The following CCDC171 variants were observed in gnomAD, a reference collection of about 807,000 sequenced individuals.
CCDC171 encodes the protein coiled-coil domain-containing protein 171.
Under a neutral mutation model 168.2 loss-of-function variants are expected in CCDC171, and 177 were observed. That is an observed-to-expected ratio of 1.05 (90% CI 0.93 to 1.19). The LOEUF (loss-of-function observed/expected upper bound fraction) is 1.19, where lower values mean the gene tolerates loss of function less well. Among genes scored for constraint, CCDC171 ranks in the 50% most tolerant of loss-of-function variants. The pLI is 0.00. For synonymous variants in CCDC171, 687 were observed against 540.8 expected (o/e 1.27, Z -3.75); for missense variants, 1,991 against 1,539.0 (o/e 1.29, Z -4.91).
chr9:15,898,433 A>G (rs1446962275), intron 24 of CCDC171, among the ~76,000 whole-genome samples: 2 of 152,184 alleles, frequency 1.3e-5, no homozygotes, highest in Non-Finnish European at 2.9e-5. Context: ...GAGCAAATAT[A>G]GACTAGTATC....
rs151056510 is a variant in CCDC171, at chr9:15,658,746, A to G, written c.915+1527A>G. Reference sequence around the variant, plus strand: ...GCCTCCAGAAGTTAGAAAAGGCAAGACAAGATTTCTTCCCTAGAGTCTCCA... The same window carrying G: ...GCCTCCAGAAGTTAGAAAAGGCAAGGCAAGATTTCTTCCCTAGAGTCTCCA... On this transcript the variant is annotated intron_variant, in intron 8 of 25. Coordinates refer to ENST00000380701, the MANE Select transcript of CCDC171 (RefSeq NM_173550.4). Among the ~76,000 whole-genome samples the G allele has an allele frequency of 2.7e-4, 41 of 152,256 alleles. No individual in the cohort carries two copies. The East Asian group carries it at 6.8e-3, about 25-fold the overall frequency.
chr9:15,900,308 C>T (rs563478621), intron 24 of CCDC171, among the ~76,000 whole-genome samples: 4 of 152,214 alleles, frequency 2.6e-5, no homozygotes, highest in East Asian at 3.9e-4. Flanking sequence ...TGAAAGAGGG[C>T]GGTGGGGGCA....
intron 1 of CCDC171, among the ~76,000 whole-genome samples, chr9:15,560,130 G>A (rs2039159733): frequency 6.6e-6 from 1 of 152,032 alleles, no homozygotes; most frequent in African/African-American, 2.4e-5. Context: ...TCCCTTTGTG[G>A]GTAACCTGAC....
chr9:15,979,300 C>G (rs1487211559), intron 3 of CCDC171, among the ~76,000 whole-genome samples: 3 of 152,118 alleles, frequency 2.0e-5, no homozygotes, highest in Non-Finnish European at 4.4e-5. Context: ...ACCAAATTGT[C>G]TCAGCTATAA....
At chr9:16,012,530 T>C (rs1454151451) in intron 3 of CCDC171, among the ~76,000 whole-genome samples, 1 of 148,030 alleles carries the variant, frequency 6.8e-6, no homozygotes, top group African/African-American at 2.5e-5. Flanking sequence ...TTAATCTCCA[T>C]ATTTTCTATT....
chr9:15,626,240 A>AT (rs1409696227), intron 7 of CCDC171, among the ~76,000 whole-genome samples: 1 of 152,210 alleles, frequency 6.6e-6, no homozygotes, highest in Non-Finnish European at 1.5e-5. Context: ...TTTTCTAAAT[A>AT]TACAATCACG....
rs2059572450 is a variant in CCDC171 at position 15,816,695 on chromosome 9, A to G, written c.3268-30007A>G. Among the ~76,000 whole-genome samples the G allele has an allele frequency of 1.7e-5, 2 of 118,272 alleles. 1 individual carries two copies. Among genetic ancestry groups the G allele is most frequent in the Non-Finnish European group, 3.8e-5 (2 of 52,548 alleles). 77.6% of individuals were successfully genotyped at this position (118,272 alleles called of 152,430 possible). The stretch of plus-strand genomic sequence containing the variant: ...AATGTTAACGCTTATGTAATTTTCT[A>G]ATGGATCAGATGTGAATGTCAGAGA... On this transcript the variant is annotated intron_variant, in intron 21 of 25. Coordinates refer to ENST00000380701, the MANE Select transcript of CCDC171 (RefSeq NM_173550.4).
chr9:15,805,420 C>T (rs2059027133), intron 21 of CCDC171, among the ~76,000 whole-genome samples: 1 of 152,112 alleles, frequency 6.6e-6, no homozygotes, highest in Admixed American at 6.6e-5. Context: ...TTAGCTGCAT[C>T]CCAGAGATTT....
At chr9:15,607,524 C>T (rs781174328) in intron 6 of CCDC171, among the ~76,000 whole-genome samples, 26 of 151,896 alleles carry the variant, frequency 1.7e-4, no homozygotes, top group African/African-American at 2.7e-4. Flanking sequence ...TGCAGTGGCG[C>T]GATCTTGGTT....
rs556056178 is a variant in CCDC171, at chr9:15,791,494, G to A, written c.3267+6800G>A. On this transcript the variant is annotated intron_variant, in intron 21 of 25. Transcript: ENST00000380701. ...TGCTTATCAGCTTAAAGAGATTTTG[G>A]GCTGAGGTGATGTGGTTTTCTAGAT... Among the ~76,000 whole-genome samples the A allele has an allele frequency of 2.6e-5, 4 of 152,156 alleles. No individual in the cohort carries two copies. In the South Asian group the frequency reaches 8.3e-4, roughly 32 times the overall value.
chr9:15,729,969 A>T (rs566164429), intron 16 of CCDC171, among the ~76,000 whole-genome samples, 171 bp downstream of exon 16: 1 of 152,108 alleles, frequency 6.6e-6, no homozygotes, highest in African/African-American at 2.4e-5. Context: ...GTGTGTGTGT[A>T]TGGGTGTGTA....
the CCDC171 span, among the ~76,000 whole-genome samples, chr9:16,079,412 C>G: frequency 6.6e-6 from 1 of 152,142 alleles, no homozygotes; most frequent in South Asian, 2.1e-4. Context: ...AGCTGGTGTC[C>G]TTATAAAGGA....
intron 4 of CCDC171, among the ~76,000 whole-genome samples, chr9:15,590,801 C>CTTTCTT (rs2041941710): frequency 7.0e-6 from 1 of 141,962 alleles, no homozygotes; most frequent in Admixed American, 7.2e-5. Flanking sequence ...TTCTTTCTTT[C>CTTTCTT]TTTCTTTCTT....
At chr9:15,611,751 C>A (rs1322434068) in intron 6 of CCDC171, among the ~76,000 whole-genome samples, 1 of 152,130 alleles carries the variant, frequency 6.6e-6, no homozygotes, top group Non-Finnish European at 1.5e-5. Flanking sequence ...GCAGAGGCAA[C>A]CCGAGAGTGT....
intron 4 of CCDC171, among the ~76,000 whole-genome samples, chr9:16,021,076 A>G (rs117038700): frequency 0.019 from 2,950 of 152,268 alleles, 44 homozygotes; most frequent in Non-Finnish European, 0.032. Flanking sequence ...AGAATTTTCC[A>G]CTTTCAATAA....
chr9:15,829,756 C>T (rs190389736), intron 21 of CCDC171, among the ~76,000 whole-genome samples: 1 of 152,078 alleles, frequency 6.6e-6, no homozygotes, highest in East Asian at 1.9e-4. Flanking sequence ...CCCATCTCTA[C>T]TAAAAAATAA....
At chr9:15,652,586 A>G (rs1410486093) in intron 7 of CCDC171, among the ~76,000 whole-genome samples, 1 of 151,874 alleles carries the variant, frequency 6.6e-6, no homozygotes, top group Non-Finnish European at 1.5e-5. Flanking sequence ...GGCCACCACC[A>G]CACTTGGCTA....
intron 7 of CCDC171, among the ~76,000 whole-genome samples, chr9:15,630,359 A>G (rs1054702001): frequency 1.3e-5 from 2 of 152,226 alleles, no homozygotes; most frequent in African/African-American, 4.8e-5. Flanking sequence ...AAATAAAAAA[A>G]GGCAGGGGTT....
intron 6 of CCDC171, among the ~76,000 whole-genome samples, chr9:15,600,458 G>A (rs757177069): frequency 6.6e-6 from 1 of 152,190 alleles, no homozygotes; most frequent in Non-Finnish European, 1.5e-5. Flanking sequence ...GCAGATATTG[G>A]TGAACAGCCA....
Sources: gnomAD v4.1 joint callset for allele counts (sites outside exome capture counted in the v4.1 genomes callset) on GRCh38, gnomAD v4.1.1 for gene constraint, MANE v1.5 for transcripts, NCBI Gene and HGNC (gene_info 2026-07-23, HGNC 2026-07-21) for gene names.